Variants in CHST11 observed in about 807,000 individuals in gnomAD.
The protein encoded by CHST11 is C4S-1.
Under a neutral mutation model 30.4 loss-of-function variants are expected in CHST11, and 9 were observed. That is an observed-to-expected ratio of 0.30 (90% confidence interval 0.18 to 0.52). CHST11 has a LOEUF of 0.52. CHST11 is among the 20% of genes least tolerant of loss of function. The pLI, the probability that CHST11 is intolerant of heterozygous loss-of-function variation, is 0.97. For missense variants in CHST11, 348 were observed against 460.6 expected (o/e 0.76, Z 2.24); for synonymous variants, 152 against 187.8 (o/e 0.81, Z 1.56).
Position 104,739,948 on chromosome 12 carries a change from C to G in CHST11, c.205-17001C>G, listed in dbSNP as rs1209817174. On this transcript the variant is annotated intron_variant, in intron 2 of 2. Transcript: ENST00000303694. ...TGAGCTTGCTCATCTCCGCAGAGTT[C>G]CAGACATCCTAGGGAGAGTAAACCT... 3.9e-5 allele frequency among the ~76,000 whole-genome samples: 6 copies of G among 152,334 alleles called. No individual in the cohort carries two copies. In the South Asian group the frequency reaches 1.2e-3, roughly 32 times the overall value.
chr12:104,711,117 G>A (rs2040084275), intron 2 of CHST11, among the ~76,000 whole-genome samples: 1 of 152,174 alleles, frequency 6.6e-6, no homozygotes, highest in Admixed American at 6.5e-5. Flanking sequence ...TAGAGCAACT[G>A]TGTTGTGTCA....
intron 1 of CHST11, among the ~76,000 whole-genome samples, chr12:104,597,382 G>A (rs1197241262): frequency 1.3e-5 from 2 of 152,162 alleles, no homozygotes; most frequent in African/African-American, 2.4e-5. Context: ...CCCAGTGGGC[G>A]GGGTGGACAG....
intron 2 of CHST11, among the ~76,000 whole-genome samples, chr12:104,604,294 C>T (rs111363375): frequency 2.0e-5 from 3 of 152,188 alleles, no homozygotes; most frequent in Non-Finnish European, 4.4e-5. Context: ...TTGGGGAGGG[C>T]GTAGGTGGAT....
At chr12:104,637,844 C>T (rs902736439) in intron 2 of CHST11, among the ~76,000 whole-genome samples, 2 of 152,204 alleles carry the variant, frequency 1.3e-5, no homozygotes, top group African/African-American at 4.8e-5. Context: ...ATCATCTCCT[C>T]CCTTCTCCCT....
At chr12:104,531,901 A>G (rs1231589741) in intron 1 of CHST11, among the ~76,000 whole-genome samples, 2 of 152,230 alleles carry the variant, frequency 1.3e-5, no homozygotes, top group Non-Finnish European at 2.9e-5. Context: ...CAGTCAGAAT[A>G]TCTGGCATCA....
chr12:104,547,843 A>G (rs2038366085), intron 1 of CHST11, among the ~76,000 whole-genome samples: 1 of 152,210 alleles, frequency 6.6e-6, no homozygotes, highest in Non-Finnish European at 1.5e-5. Context: ...GGATTAAAAA[A>G]AAGGACTTTT....
chr12:104,689,986 G>C (rs1279434752), intron 2 of CHST11, among the ~76,000 whole-genome samples: 1 of 152,114 alleles, frequency 6.6e-6, no homozygotes, highest in Non-Finnish European at 1.5e-5. Flanking sequence ...ATTCAACCCA[G>C]AGGGGATTTT....
intron 2 of CHST11, among the ~76,000 whole-genome samples, chr12:104,710,388 C>T (rs1233955201): frequency 6.6e-6 from 1 of 152,140 alleles, no homozygotes; most frequent in Non-Finnish European, 1.5e-5. Context: ...CTCTTTTCTT[C>T]GGTGGCACTT....
chr12:104,538,744 C>G (rs2038261453), intron 1 of CHST11, among the ~76,000 whole-genome samples: 1 of 152,174 alleles, frequency 6.6e-6, no homozygotes, highest in South Asian at 2.1e-4. Flanking sequence ...CCCCCAATTG[C>G]CAGTGCATAT....
intron 1 of CHST11, among the ~76,000 whole-genome samples, chr12:104,555,689 G>A (rs1191718952): frequency 6.6e-6 from 1 of 152,222 alleles, no homozygotes; most frequent in Non-Finnish European, 1.5e-5. Context: ...TCATGGCCAT[G>A]CCTGGGAGGC....
chr12:104,720,144 C>A lies in CHST11; in HGVS notation c.205-36805C>A, dbSNP rs184574806. Among the ~76,000 whole-genome samples the A allele has an allele frequency of 3.6e-3, 556 of 152,350 alleles. 1 individual carries two copies. The highest frequency in any genetic ancestry group is 6.0e-3 in the Non-Finnish European group (410 of 68,036). ...GCGGCATCCGGAGCCCCAAGAAGCA[C>A]GCTTCCTCCTGAAACACTGCCCTGC... is the stretch of plus-strand genomic sequence containing the variant. On this transcript the variant is annotated intron_variant, in intron 2 of 2. Transcript: ENST00000303694.
chr12:104,627,358 A>G (rs977131511), intron 2 of CHST11, among the ~76,000 whole-genome samples: 3 of 152,202 alleles, frequency 2.0e-5, no homozygotes, highest in African/African-American at 7.2e-5. Flanking sequence ...GTAAATACCA[A>G]GGAGAGTGAT....
At chr12:104,734,816 G>T (rs572996729) in intron 2 of CHST11, among the ~76,000 whole-genome samples, 10 of 152,306 alleles carry the variant, frequency 6.6e-5, no homozygotes, top group African/African-American at 2.2e-4. Flanking sequence ...ACAGACAAAA[G>T]ACAGATAATA....
At chr12:104,666,109 C>T (rs1400661511) in intron 2 of CHST11, among the ~76,000 whole-genome samples, 3 of 152,128 alleles carry the variant, frequency 2.0e-5, no homozygotes, top group Non-Finnish European at 4.4e-5. Flanking sequence ...TGAGCCACCG[C>T]ACCCGGCCTC....
intron 2 of CHST11, among the ~76,000 whole-genome samples, chr12:104,635,475 G>A (rs1477991006): frequency 6.6e-6 from 1 of 152,182 alleles, no homozygotes; most frequent in African/African-American, 2.4e-5. Flanking sequence ...ATCACAGGGG[G>A]GTTGGAAGGA....
intron 1 of CHST11, among the ~76,000 whole-genome samples, chr12:104,578,232 A>G (rs960171471): frequency 1.3e-5 from 2 of 152,128 alleles, no homozygotes; most frequent in African/African-American, 4.8e-5. Context: ...CCCATCACTG[A>G]CTTCCTGGTC....
intron 1 of CHST11, among the ~76,000 whole-genome samples, chr12:104,587,284 C>T (rs1037198741): frequency 1.4e-4 from 22 of 152,266 alleles, no homozygotes; most frequent in African/African-American, 4.8e-4. Context: ...ATATTTGGTC[C>T]TTTAACACAC....
intron 1 of CHST11, among the ~76,000 whole-genome samples, chr12:104,477,310 C>T (rs1403429519): frequency 1.3e-5 from 2 of 152,110 alleles, no homozygotes; most frequent in Admixed American, 1.3e-4. Context: ...CTTAAAGTAA[C>T]CCAGCTAGTA....
At chr12:104,680,956 G>A (rs2039790074) in intron 2 of CHST11, among the ~76,000 whole-genome samples, 1 of 152,240 alleles carries the variant, frequency 6.6e-6, no homozygotes, top group Non-Finnish European at 1.5e-5. Flanking sequence ...GTCTCTTAAA[G>A]TCTCTGGACC....
Sources: allele counts gnomAD v4.1 joint callset (sites outside exome capture counted in the v4.1 genomes callset), GRCh38; gene constraint gnomAD v4.1.1; transcripts MANE v1.5; gene names NCBI Gene and HGNC (gene_info 2026-07-23, HGNC 2026-07-21).